UBE2O: variants seen among roughly 807,000 people sequenced by gnomAD.
UBE2O encodes the protein ubiquitin conjugating enzyme E2 O.
In UBE2O, 15 loss-of-function variants were observed where a neutral mutation model predicts 125.8. The ratio of observed to expected loss-of-function variants is 0.12; its 90% CI spans 0.08 to 0.18. The LOEUF (loss-of-function observed/expected upper bound fraction) is 0.18, where lower values mean the gene tolerates loss of function less well. Ranked by LOEUF, UBE2O falls within the 10% of genes least tolerant of loss-of-function variation. UBE2O has a pLI of 1.00. For synonymous variants in UBE2O, 708 were observed against 703.2 expected, an observed-to-expected ratio of 1.01 and a Z score of -0.11; for missense variants, 1,280 against 1,723.6, an observed-to-expected ratio of 0.74 and a Z score of 4.56.
intron 1 of UBE2O, among the ~76,000 whole-genome samples, chr17:76,448,699 TGACA>T (rs1174494990): frequency 2.6e-5 from 4 of 152,398 alleles, no homozygotes; most frequent in Non-Finnish European, 4.4e-5. Context: ...GAACTTGAAC[TGACA>T]GACAGCAGTC....
rs752272168 is a variant in UBE2O at position 76,400,912 on chromosome 17, G to A, written c.894+99C>T. On this transcript the variant is annotated intron_variant, in intron 6 of 17. Coordinates refer to ENST00000319380, the MANE Select transcript of UBE2O (RefSeq NM_022066.4). The surrounding 1 kb of genome is among the most constrained non-coding windows in gnomAD (Gnocchi z 4.3). ...CAACAGGGTCCAGATGCTGAGGAGCGGGGCTCAACCCTCAAGAGCAGGAAG... is the reference window on the plus strand; with the variant it reads ...CAACAGGGTCCAGATGCTGAGGAGCAGGGCTCAACCCTCAAGAGCAGGAAG... 10 of 1,420,956 alleles carry A rather than the reference G, an allele frequency of 7.0e-6. No homozygotes were observed. The Admixed American group carries it at 9.9e-5, about 14-fold the overall frequency. The allele number at this position is 1,420,956 out of a possible 1,614,324, so 88.0% of individuals were successfully genotyped here.
At chr17:76,409,569 T>C (rs1441323836) in intron 1 of UBE2O, among the ~76,000 whole-genome samples, 2 of 152,120 alleles carry the variant, frequency 1.3e-5, no homozygotes, top group Non-Finnish European at 2.9e-5. Flanking sequence ...CTAATTTTTG[T>C]ATTTCTAGTA....
intron 1 of UBE2O, among the ~76,000 whole-genome samples, chr17:76,442,852 G>A (rs1219968200): frequency 1.3e-5 from 2 of 152,184 alleles, no homozygotes; most frequent in Non-Finnish European, 2.9e-5. Context: ...GGAGACCAGG[G>A]AGAAGGCTAC....
intron 1 of UBE2O, among the ~76,000 whole-genome samples, chr17:76,416,033 ATATG>A (rs199954654): frequency 0.019 from 2,851 of 149,562 alleles, 28 homozygotes; most frequent in Middle Eastern, 0.027. Context: ...ACACACGTAT[ATATG>A]TGTGTGTACA....
At position 76,402,544 on chromosome 17, in the gene UBE2O, C is replaced by T. The variant is rs1380980326; in HGVS notation, c.686+58G>A. 7.9e-5 allele frequency: 116 copies of T among 1,459,436 alleles called. 4 individuals are homozygous for T. In the Admixed American group the frequency reaches 1.8e-3, roughly 23 times the overall value. The allele number at this position is 1,459,436 out of a possible 1,614,324, so 90.4% of individuals were successfully genotyped here. The stretch of plus-strand genomic sequence containing the variant: ...CCAGGAGGAAACACCCTCCTCCTCC[C>T]CTCTTTCCAAGAGGCTATCCTTCCC... On this transcript the variant is annotated intron_variant, in intron 4 of 17. Transcript: ENST00000319380. This position sits in a 1 kb window ranked among gnomAD's most constrained non-coding sequence, Gnocchi z 5.4.
chr17:76,401,210 C>G (rs2072318130), intron 5 of UBE2O, 56 bp from the exon 6 acceptor site: 3 of 1,593,340 alleles, frequency 1.9e-6, no homozygotes, highest in Non-Finnish European at 2.6e-6. Context: ...CATGGGTGAC[C>G]ATGCTCTCCA....
At chr17:76,425,015 C>T (rs1160695571) in intron 1 of UBE2O, among the ~76,000 whole-genome samples, 2 of 151,322 alleles carry the variant, frequency 1.3e-5, no homozygotes, top group Admixed American at 1.3e-4. Flanking sequence ...GGACTACAGG[C>T]ACCCGCCACC....
intron 15 of UBE2O, among the ~76,000 whole-genome samples, chr17:76,392,781 C>T (rs559589674): frequency 2.9e-4 from 44 of 151,802 alleles, no homozygotes; most frequent in Non-Finnish European, 4.9e-4. Context: ...GGTGAAACCC[C>T]GTCTCTACTA....
intron 15 of UBE2O, among the ~76,000 whole-genome samples, chr17:76,392,686 T>G (rs942418245): frequency 4.6e-5 from 7 of 152,068 alleles, no homozygotes; most frequent in African/African-American, 1.7e-4. Context: ...GGCGCGGTGG[T>G]TCGTGCCTGT....
At chr17:76,424,868 TTA>T (rs1303457885) in intron 1 of UBE2O, among the ~76,000 whole-genome samples, 31 of 151,400 alleles carry the variant, frequency 2.0e-4, no homozygotes, top group African/African-American at 6.5e-4. Flanking sequence ...TTTTTATTTT[TTA>T]TTTTTTTTTT....
In UBE2O at chr17:76,405,477, C is replaced by T. The variant is rs180707982; in HGVS notation, c.477+36G>A. The T allele has an allele frequency of 6.7e-4, 1,064 of 1,584,512 alleles. 12 individuals are homozygous for T. In the African/African-American group the frequency reaches 0.013, roughly 19 times the overall value. On this transcript the variant is annotated intron_variant, in intron 2 of 17. Transcript: ENST00000319380. The surrounding 1 kb of genome is among the most constrained non-coding windows in gnomAD (Gnocchi z 6.1). ...GCTCAAGTCCCTAAGGTGGCTGCCCCCAGGCCCGGGGCTGGGGTGGGGACG... is the reference window on the plus strand; with the variant it reads ...GCTCAAGTCCCTAAGGTGGCTGCCCTCAGGCCCGGGGCTGGGGTGGGGACG...
chr17:76,393,809 T>G (rs11077815), intron 15 of UBE2O, among the ~76,000 whole-genome samples: 1 of 151,816 alleles, frequency 6.6e-6, no homozygotes, highest in Admixed American at 6.6e-5. Context: ...GGATCTCAAC[T>G]GACAGGGCAA....
At position 76,390,852 on chromosome 17, in the gene UBE2O, G is replaced by C. The variant is rs889121873; in HGVS notation, c.*91C>G. The C allele has an allele frequency of 8.9e-6, 12 of 1,341,298 alleles. No homozygotes were observed. Among genetic ancestry groups the C allele is most frequent in the Non-Finnish European group, 1.1e-5 (11 of 983,470 alleles). The allele number at this position is 1,341,298 out of a possible 1,614,324, so 83.1% of individuals were successfully genotyped here. On this transcript the variant is annotated 3_prime_UTR_variant, in exon 18 of 18. Transcript: ENST00000319380. The stretch of plus-strand genomic sequence containing the variant: ...GCAGTGGGTTTGCAGTGGGGACAGA[G>C]GGGCATGGGAAGAGGGGTGATTCCG...
intron 1 of UBE2O, among the ~76,000 whole-genome samples, chr17:76,425,733 A>C (rs2072800636): frequency 6.6e-6 from 1 of 152,240 alleles, no homozygotes. Context: ...ACATATTGAT[A>C]CTTTTGTCAA....
chr17:76,438,004 G>GAATCTC (rs2073025444), intron 1 of UBE2O, among the ~76,000 whole-genome samples: 1 of 152,068 alleles, frequency 6.6e-6, no homozygotes, highest in Non-Finnish European at 1.5e-5. Flanking sequence ...GTTCAAAACG[G>GAATCTC]AATCTCCCTC....
At position 76,395,839 on chromosome 17, in the gene UBE2O, A is replaced by G; in HGVS notation, c.2832T>C (p.Ile944=). The G allele has an allele frequency of 2.5e-6, 4 of 1,614,202 alleles. No individual in the cohort carries two copies. Among genetic ancestry groups the G allele is most frequent in the Non-Finnish European group, 3.4e-6 (4 of 1,180,038 alleles). ...FAPSNHSFKK[I]EFQPPEAKKF... is the part of the protein sequence containing the mutation. ...TCTTGGCTTCTGGAGGCTGGAACTC[A>G]ATTTTCTTAAAAGAATGATTTGCTA... The change falls in exon 15 of 18, where the codon ATT becomes ATC. Residue 944 remains isoleucine (I), a synonymous_variant. Transcript: ENST00000319380. The surrounding 1 kb of genome is among the most constrained non-coding windows in gnomAD (Gnocchi z 5.0).
Position 76,395,767 on chromosome 17 carries a change from T to C in UBE2O, c.2904A>G (p.Ser968=). ...VRKEMALLAT[S]LPEGIMVKTF... is the part of the protein sequence containing the mutation. ...TCTTGACCATGATGCCCTCAGGCAGTGAGGTAGCCAGCAGCGCCATCTCCT... is the reference window on the plus strand; with the variant it reads ...TCTTGACCATGATGCCCTCAGGCAGCGAGGTAGCCAGCAGCGCCATCTCCT... The change falls in exon 15 of 18, where the codon TCA becomes TCG. Residue 968 remains serine (S), a synonymous_variant. Transcript: ENST00000319380. This position sits in a 1 kb window ranked among gnomAD's most constrained non-coding sequence, Gnocchi z 5.0. 2 of 1,614,258 alleles carry C rather than the reference T, an allele frequency of 1.2e-6. No homozygotes were observed. The highest frequency in any genetic ancestry group is 8.5e-7 in the Non-Finnish European group (1 of 1,180,046).
intron 1 of UBE2O, among the ~76,000 whole-genome samples, chr17:76,423,295 C>T (rs1462043934): frequency 2.0e-5 from 3 of 152,040 alleles, no homozygotes; most frequent in African/African-American, 7.2e-5. Flanking sequence ...GGGAGGATTG[C>T]TTAAGCCCAG....
intron 15 of UBE2O, among the ~76,000 whole-genome samples, chr17:76,393,779 T>G (rs537995062): frequency 6.6e-6 from 1 of 152,194 alleles, no homozygotes; most frequent in Non-Finnish European, 1.5e-5. Flanking sequence ...CGTGCATCTG[T>G]GCACACACGC....
Sources: gnomAD v4.1 joint callset for allele counts (sites outside exome capture counted in the v4.1 genomes callset) on GRCh38, gnomAD v4.1.1 for gene constraint, Gnocchi (gnomAD v3.1) non-coding constraint, MANE v1.5 for transcripts, NCBI Gene and HGNC (gene_info 2026-07-23, HGNC 2026-07-21) for gene names.